The following MCOLN3 variants were observed in gnomAD, a reference collection of about 807,000 sequenced individuals.
MCOLN3 encodes the protein mucolipin TRP cation channel 3.
Under a neutral mutation model 69.4 loss-of-function variants are expected in MCOLN3, and 62 were observed. That is an observed-to-expected ratio of 0.89 (90% CI 0.73 to 1.10). The LOEUF (loss-of-function observed/expected upper bound fraction) is 1.10. Ranked by LOEUF, MCOLN3 falls within the 50% of genes least tolerant of loss-of-function variation. The pLI is 0.00. For synonymous variants in MCOLN3, 183 were observed against 217.0 expected (o/e 0.84, Z 1.38); for missense variants, 564 against 656.4 (o/e 0.86, Z 1.54).
chr1:85,041,204 G>A (rs1653046459), intron 2 of MCOLN3, 27 bp from the exon 3 acceptor site: 1 of 1,594,928 alleles, frequency 6.3e-7, no homozygotes, highest in Non-Finnish European at 8.5e-7. Flanking sequence ...GAAAAGGTAA[G>A]AGGGTGGAAA....
rs116804592 is a variant in MCOLN3, at chr1:85,021,516, G to T, written c.1321-240C>A. Among the ~76,000 whole-genome samples, 1,074 of 152,328 alleles carry T rather than the reference G, an allele frequency of 7.1e-3. 14 individuals carry two copies. Among genetic ancestry groups the T allele is most frequent in the African/African-American group, 0.024 (1,017 of 41,552 alleles). On this transcript the variant is annotated intron_variant, in intron 11 of 12. Coordinates refer to ENST00000370589, the MANE Select transcript of MCOLN3 (RefSeq NM_018298.11). ...CTAGCCTAAATCAAATGTAGGAGCT[G>T]CTCTGCACCCTCAGTGCTTTTTTGA...
At chr1:85,026,935 G>A (rs191524774) in intron 7 of MCOLN3, among the ~76,000 whole-genome samples, 1 of 146,764 alleles carries the variant, frequency 6.8e-6, no homozygotes, top group African/African-American at 2.5e-5. Context: ...TAATTTTTTT[G>A]TAGAGACAGG....
At chr1:85,039,790 A>AT (rs935765397) in intron 3 of MCOLN3, among the ~76,000 whole-genome samples, 7 of 151,636 alleles carry the variant, frequency 4.6e-5, no homozygotes, top group East Asian at 1.9e-4. Flanking sequence ...TATAAAAAAA[A>AT]TTTTTTTTTA....
chr1:85,025,527 C>T (rs1652170291), intron 9 of MCOLN3: 1 of 164,702 alleles, frequency 6.1e-6, no homozygotes, highest in Admixed American at 6.3e-5. Context: ...AGTGCCTTGA[C>T]CTCACTTTCC....
intron 7 of MCOLN3, among the ~76,000 whole-genome samples, chr1:85,027,762 GA>G (rs1016264423): frequency 6.6e-5 from 10 of 152,282 alleles, no homozygotes; most frequent in African/African-American, 2.4e-4. Context: ...TGAGTGATAA[GA>G]AAGAGCCACC....
In MCOLN3 at chr1:85,041,960, A is replaced by T. The variant is rs574797565; in HGVS notation, c.229-783T>A. 1.9e-4 allele frequency among the ~76,000 whole-genome samples: 28 copies of T among 149,726 alleles called. 1 individual carries two copies. The South Asian group carries it at 5.1e-3, about 27-fold the overall frequency. On this transcript the variant is annotated intron_variant, in intron 2 of 12. Transcript: ENST00000370589. ...TCATCCAAACCTCTCTCTCTCTCTC[A>T]CACACACAAATGCACACACAGCACA...
At chr1:85,019,551 C>T (rs1238968844) in intron 12 of MCOLN3, among the ~76,000 whole-genome samples, 1 of 152,184 alleles carries the variant, frequency 6.6e-6, no homozygotes, top group African/African-American at 2.4e-5. Flanking sequence ...ATTGAGCTAG[C>T]CCCATCCCAA....
At chr1:85,041,206 G>T in intron 2 of MCOLN3, 29 bp from the exon 3 acceptor site, 2 of 1,591,098 alleles carry the variant, frequency 1.3e-6, no homozygotes, top group Non-Finnish European at 1.7e-6. Flanking sequence ...AAAGGTAAGA[G>T]GGTGGAAAAT....
intron 6 of MCOLN3, among the ~76,000 whole-genome samples, chr1:85,030,456 TAAAAC>T (rs1459980105): frequency 6.6e-6 from 1 of 152,016 alleles, no homozygotes; most frequent in East Asian, 1.9e-4. Flanking sequence ...AACTGAGACA[TAAAAC>T]AAACAGATCA....
intron 7 of MCOLN3, among the ~76,000 whole-genome samples, chr1:85,027,756 T>C (rs558769931): frequency 2.2e-4 from 33 of 152,010 alleles, no homozygotes; most frequent in Non-Finnish European, 4.4e-4. Context: ...GAAACCTGAG[T>C]GATAAGAAAG....
chr1:85,025,906 CACTA>C lies in MCOLN3; in HGVS notation c.1095+29_1095+32del, dbSNP rs1330476956. ...TACATTACCATTAGTGCAAATCTGACACTAACAATAGCATGATTAGGAAAAAAAT... is the reference window on the plus strand; with the variant it reads ...TACATTACCATTAGTGCAAATCTGACACAATAGCATGATTAGGAAAAAAAT... On this transcript the variant is annotated intron_variant, in intron 9 of 12. Transcript: ENST00000370589. 4 of 1,561,210 alleles carry C rather than the reference CACTA, an allele frequency of 2.6e-6. No individual in the cohort carries two copies. The African/African-American group carries it at 5.5e-5, about 21-fold the overall frequency.
chr1:85,022,249 A>G (rs970013971), intron 10 of MCOLN3, 50 bp downstream of exon 10: 1 of 1,613,892 alleles, frequency 6.2e-7, no homozygotes, highest in Admixed American at 1.7e-5. Flanking sequence ...AAGCAGTGCA[A>G]TAACTTTGAG....
intron 6 of MCOLN3, among the ~76,000 whole-genome samples, chr1:85,031,128 G>C (rs1324721484): frequency 1.3e-5 from 2 of 151,978 alleles, no homozygotes; most frequent in African/African-American, 4.8e-5. Flanking sequence ...AAAACTAGCT[G>C]GGCGTGGTAA....
At chr1:85,029,370 C>T in intron 6 of MCOLN3, 165 bp from the exon 7 acceptor site, 1 of 579,430 alleles carries the variant, frequency 1.7e-6, no homozygotes, top group South Asian at 2.1e-5. Flanking sequence ...CTTCATTTCT[C>T]TGTGAAATGA....
intron 2 of MCOLN3, among the ~76,000 whole-genome samples, chr1:85,042,905 A>G (rs1384339065): frequency 2.0e-5 from 3 of 152,256 alleles, no homozygotes; most frequent in African/African-American, 7.2e-5. Context: ...TCTGATATAA[A>G]TTAAGGAAAC....
intron 6 of MCOLN3, among the ~76,000 whole-genome samples, chr1:85,030,920 G>A (rs1652476834): frequency 6.6e-6 from 1 of 152,160 alleles, no homozygotes; most frequent in Non-Finnish European, 1.5e-5. Flanking sequence ...GGTTACCAGA[G>A]GCTAGAAAGG....
Position 85,029,217 on chromosome 1 carries a change from GGAAAACA to G in MCOLN3, c.733-19_733-13del. ...TTGTCAAATGTTATCTGTGAAGACA[GGAAAACA>G]GTCAAAAACATACTTATAGTTTTGG... On this transcript the variant is annotated splice_polypyrimidine_tract_variant and intron_variant, in intron 6 of 12. Transcript: ENST00000370589. 1.0e-5 allele frequency: 15 copies of G among 1,500,736 alleles called. No individual in the cohort carries two copies. The highest frequency in any genetic ancestry group is 1.4e-5 in the Non-Finnish European group (15 of 1,078,152). 93.0% of individuals were successfully genotyped at this position (1,500,736 alleles called of 1,614,324 possible).
chr1:85,034,602 A>C (rs116374241), intron 3 of MCOLN3, among the ~76,000 whole-genome samples: 1,898 of 152,326 alleles, frequency 0.012, 41 homozygotes, highest in African/African-American at 0.043. Flanking sequence ...TCTTTAAACT[A>C]TCTCCTGTAA....
intron 2 of MCOLN3, among the ~76,000 whole-genome samples, chr1:85,044,814 A>G (rs1204642224): frequency 1.3e-5 from 2 of 152,234 alleles, no homozygotes; most frequent in Non-Finnish European, 2.9e-5. Flanking sequence ...GGACAACACT[A>G]GTTTCCATGG....
Sources: gnomAD v4.1 joint callset for allele counts (sites outside exome capture counted in the v4.1 genomes callset) on GRCh38, gnomAD v4.1.1 for gene constraint, MANE v1.5 for transcripts, NCBI Gene and HGNC (gene_info 2026-07-23, HGNC 2026-07-21) for gene names.